Variants in TSKS observed in about 807,000 individuals in gnomAD.
TSKS encodes the protein testis specific serine kinase substrate, also known as testis-specific serine kinase substrate.
Under a neutral mutation model 68.0 loss-of-function variants are expected in TSKS, and 27 were observed. That is an observed-to-expected ratio of 0.40 (90% CI 0.29 to 0.55). TSKS has a LOEUF of 0.55. Among genes scored for constraint, TSKS ranks in the 20% least tolerant of loss-of-function variants. The probability of loss-of-function intolerance (pLI) is 0.53; values close to 1 mark genes in which losing one functional copy is unlikely to be tolerated. For synonymous variants in TSKS, 331 were observed against 340.4 expected (o/e 0.97, Z 0.30); for missense variants, 806 against 776.0 (o/e 1.04, Z -0.46).
Position 49,762,042 on chromosome 19 carries a change from G to T in TSKS, c.361C>A (p.Pro121Thr). ...ATGTCTGCGTCATCCGGATCCCAGG[G>T]TAGGGTAGGGGAGGCAGGGGGCCCA... ...LAGPPASPTL[P>T]WDPDDADITE... is the part of the protein sequence containing the mutation. The change falls in exon 2 of 11, where the codon CCC becomes ACC. Residue 121 changes from proline (P) to threonine (T), a missense_variant. By Grantham distance (38) the Pro-to-Thr change is conservative (BLOSUM62 -1). Coordinates refer to ENST00000246801, the MANE Select transcript of TSKS (RefSeq NM_021733.2). The T allele has an allele frequency of 6.2e-7, 1 of 1,614,128 alleles. No individual in the cohort carries two copies. The highest frequency in any genetic ancestry group is 8.5e-7 in the Non-Finnish European group (1 of 1,180,004).
chr19:49,759,600 C>G (rs2084423311), intron 2 of TSKS, among the ~76,000 whole-genome samples: 1 of 148,782 alleles, frequency 6.7e-6, no homozygotes, highest in Non-Finnish European at 1.5e-5. Context: ...TGTGCCTGGA[C>G]TGTCATGCTG....
intron 1 of TSKS, 45 bp from the exon 2 acceptor site, chr19:49,762,277 G>T: frequency 6.6e-7 from 1 of 1,523,508 alleles, no homozygotes. Flanking sequence ...CAGCCCCAGG[G>T]TGTCTGGGCC....
At chr19:49,761,419 T>C (rs775547838) in intron 2 of TSKS, among the ~76,000 whole-genome samples, 1 of 152,206 alleles carries the variant, frequency 6.6e-6, no homozygotes, top group African/African-American at 2.4e-5. Context: ...GATTCTTAGC[T>C]GACTCCCCTC....
At chr19:49,761,920 A>G (rs1351381486) in intron 2 of TSKS, 84 bp downstream of exon 2, 7 of 1,179,134 alleles carry the variant, frequency 5.9e-6, no homozygotes, top group Non-Finnish European at 8.5e-6. Context: ...CAAGTCAAAA[A>G]CACCCCACCC....
At chr19:49,761,922 A>G in intron 2 of TSKS, 82 bp downstream of exon 2, 2 of 1,193,088 alleles carry the variant, frequency 1.7e-6, no homozygotes, top group Admixed American at 2.2e-5. Context: ...AGTCAAAAAC[A>G]CCCCACCCCC....
chr19:49,753,485 C>A (rs972038767), intron 2 of TSKS, among the ~76,000 whole-genome samples: 8 of 151,512 alleles, frequency 5.3e-5, no homozygotes, highest in African/African-American at 1.9e-4. Flanking sequence ...TGGTGTGAAC[C>A]CGGGAGGCGG....
At chr19:49,743,493 CT>C (rs761657800) in intron 8 of TSKS, among the ~76,000 whole-genome samples, 5,489 of 103,828 alleles carry the variant, frequency 0.053, 27 homozygotes, top group South Asian at 0.093. Flanking sequence ...AAGTGAATTT[CT>C]TTTTTTTTTT....
chr19:49,748,343 G>T (rs1207302562), intron 3 of TSKS, 31 bp downstream of exon 3: 2 of 1,603,444 alleles, frequency 1.2e-6, no homozygotes, highest in Non-Finnish European at 1.7e-6. Context: ...CTGGAGGAAG[G>T]GCAGGTGTTG....
rs1444204161 is a variant in TSKS at position 49,746,529 on chromosome 19, C to A, written c.933G>T (p.Glu311Asp). ...AGWGMGPRAG[E>D]GPYVSEQELQ... Reference sequence around the variant, plus strand: ...ATTCCTGCTCGCTCACGTAGGGGCCCTCGCCAGCCCGAGGCCCCATTCCCC... The same window carrying A: ...ATTCCTGCTCGCTCACGTAGGGGCCATCGCCAGCCCGAGGCCCCATTCCCC... The change falls in exon 6 of 11, where the codon GAG becomes GAT. Residue 311 changes from glutamate to aspartate, a missense_variant. Glu to Asp is a conservative substitution (Grantham distance 45). Transcript: ENST00000246801. 2.5e-6 allele frequency: 4 copies of A among 1,613,748 alleles called. No individual in the cohort carries two copies. The highest frequency in any genetic ancestry group is 3.4e-6 in the Non-Finnish European group (4 of 1,179,924).
chr19:49,754,352 A>G (rs2084376573), intron 2 of TSKS, among the ~76,000 whole-genome samples: 1 of 151,732 alleles, frequency 6.6e-6, no homozygotes, highest in Non-Finnish European at 1.5e-5. Flanking sequence ...TCCAAAAATT[A>G]GACAGGCATG....
At chr19:49,744,911 G>A (rs531260123) in intron 7 of TSKS, among the ~76,000 whole-genome samples, 5 of 152,144 alleles carry the variant, frequency 3.3e-5, no homozygotes, top group African/African-American at 1.2e-4. Flanking sequence ...ATTACTGTTT[G>A]GAATGCCCCT....
At chr19:49,742,104 C>A in intron 8 of TSKS, 84 bp from the exon 9 acceptor site, 1 of 1,519,044 alleles carries the variant, frequency 6.6e-7, no homozygotes, top group African/African-American at 1.4e-5. Context: ...GTGGAGCCTC[C>A]ATTTGGCCTC....
Position 49,763,294 on chromosome 19 carries a change from TCCTA to T in TSKS, c.-51_-48del, listed in dbSNP as rs764295599. 4.8e-6 allele frequency: 7 copies of T among 1,472,256 alleles called. No homozygotes were observed. The South Asian group carries it at 8.4e-5, about 18-fold the overall frequency. The allele number at this position is 1,472,256 out of a possible 1,614,324, so 91.2% of individuals were successfully genotyped here. On this transcript the variant is annotated 5_prime_UTR_variant, in exon 1 of 11. Transcript: ENST00000246801. This position sits in a 1 kb window ranked among gnomAD's most constrained non-coding sequence, Gnocchi z 4.5. ...GGGAGGGGCTCCTTCCTCTGAGACTTCCTACCTACTGTGACCACAGACCCTCAGG... is the reference window on the plus strand; with the variant it reads ...GGGAGGGGCTCCTTCCTCTGAGACTTCCTACTGTGACCACAGACCCTCAGG...
chr19:49,758,683 C>T (rs767374014), intron 2 of TSKS, among the ~76,000 whole-genome samples: 45 of 152,260 alleles, frequency 3.0e-4, no homozygotes, highest in Non-Finnish European at 5.0e-4. Context: ...CTCTGGCCTC[C>T]CTGCCTCAGT....
chr19:49,752,071 CAA>C (rs1450025356), intron 2 of TSKS, among the ~76,000 whole-genome samples: 1 of 151,410 alleles, frequency 6.6e-6, no homozygotes, highest in African/African-American at 2.4e-5. Flanking sequence ...GATCCTGTCT[CAA>C]AAACAACAAC....
At chr19:49,743,646 C>T (rs888143933) in intron 8 of TSKS, among the ~76,000 whole-genome samples, 2 of 151,788 alleles carry the variant, frequency 1.3e-5, no homozygotes, top group African/African-American at 2.4e-5. Flanking sequence ...TACAGGCACC[C>T]GCCACCACGC....
chr19:49,740,356 TC>T, intron 9 of TSKS, 173 bp from the exon 10 acceptor site: 3 of 724,776 alleles, frequency 4.1e-6, no homozygotes, highest in Non-Finnish European at 6.6e-6. Context: ...AATGCACTGG[TC>T]TCCAGATTCC....
At chr19:49,752,649 G>A (rs750762741) in intron 2 of TSKS, among the ~76,000 whole-genome samples, 7 of 152,168 alleles carry the variant, frequency 4.6e-5, no homozygotes, top group Non-Finnish European at 7.4e-5. Flanking sequence ...AAAATTTTAC[G>A]CTTGTTTTAA....
At chr19:49,744,504 G>C (rs1402308023) in intron 7 of TSKS, 100 bp from the exon 8 acceptor site, 4 of 1,281,246 alleles carry the variant, frequency 3.1e-6, no homozygotes, top group Non-Finnish European at 4.4e-6. Context: ...TCTCCATCTG[G>C]TCAGCAATTC....
Sources: gnomAD v4.1 joint callset for allele counts (sites outside exome capture counted in the v4.1 genomes callset) on GRCh38, gnomAD v4.1.1 for gene constraint, Gnocchi (gnomAD v3.1) non-coding constraint, MANE v1.5 for transcripts, NCBI Gene and HGNC (gene_info 2026-07-23, HGNC 2026-07-21) for gene names.